RGS6: variants seen among roughly 807,000 people sequenced by gnomAD.
RGS6 encodes regulator of G protein signaling 6.
Under a neutral mutation model 78.5 loss-of-function variants are expected in RGS6, and 30 were observed. That is an observed-to-expected ratio of 0.38 (90% confidence interval 0.29 to 0.52). The LOEUF (loss-of-function observed/expected upper bound fraction) is 0.52. RGS6 is among the 20% of genes least tolerant of loss of function. The pLI is 0.85. For synonymous variants in RGS6, 206 were observed against 206.0 expected (o/e 1.00, Z 0.00); for missense variants, 495 against 609.7 (o/e 0.81, Z 1.98).
chr14:71,870,616 A>G, the RGS6 span, among the ~76,000 whole-genome samples: 1 of 152,212 alleles, frequency 6.6e-6, no homozygotes, highest in African/African-American at 2.4e-5. Flanking sequence ...CACCAAGGCT[A>G]GGAAAAGTTC....
chr14:72,407,640 GC>G (rs1397284961), intron 3 of RGS6, among the ~76,000 whole-genome samples: 1 of 152,178 alleles, frequency 6.6e-6, no homozygotes, highest in Non-Finnish European at 1.5e-5. Flanking sequence ...GGCTTCTAAA[GC>G]CCCCTTTGTC....
At chr14:72,403,370 A>C in intron 3 of RGS6, among the ~76,000 whole-genome samples, 1 of 152,242 alleles carries the variant, frequency 6.6e-6, no homozygotes. Flanking sequence ...ATACCATATG[A>C]TCTCATTCAC....
At chr14:72,625,345 T>C in the RGS6 span, among the ~76,000 whole-genome samples, 1 of 152,228 alleles carries the variant, frequency 6.6e-6, no homozygotes, top group African/African-American at 2.4e-5. Flanking sequence ...GTCATTATTT[T>C]TTTGCTCAAG....
intron 2 of RGS6, among the ~76,000 whole-genome samples, chr14:72,171,444 A>G (rs78211958): frequency 0.013 from 2,010 of 152,326 alleles, 39 homozygotes; most frequent in African/African-American, 0.045. Flanking sequence ...TGTACTAGCA[A>G]TAGTCCAGTG....
At chr14:72,501,349 A>C (rs2096722956) in intron 13 of RGS6, among the ~76,000 whole-genome samples, 1 of 152,150 alleles carries the variant, frequency 6.6e-6, no homozygotes, top group East Asian at 1.9e-4. Context: ...CTTCTCAGAC[A>C]AGCTATTCGA....
intron 3 of RGS6, among the ~76,000 whole-genome samples, chr14:72,445,181 C>CT (rs1555404694): frequency 6.6e-6 from 1 of 152,184 alleles, no homozygotes; most frequent in Non-Finnish European, 1.5e-5. Context: ...TGAGATTTCT[C>CT]TGTTTTGTTT....
In RGS6 at chr14:71,964,865, T is replaced by C. The variant is rs573750712; in HGVS notation, c.74T>C (p.Val25Ala). ...GAGGAGAGTTCTCCAAACATGATCG[T>C]TTACTGCAAAGTAAGGCGCCTGGTC... is the stretch of plus-strand genomic sequence containing the variant. ...DPEESSPNMIVYCKIEDIITK... is the reference protein window; with the variant it reads ...DPEESSPNMIAYCKIEDIITK... The change falls in exon 2 of 18, where the codon GTT becomes GCT. Residue 25 changes from valine (V) to alanine (A), a missense_variant. Coordinates refer to ENST00000553525, the MANE Select transcript of RGS6 (RefSeq NM_001204424.2). The C allele has an allele frequency of 6.2e-6, 10 of 1,613,746 alleles. No homozygotes were observed. The highest frequency in any genetic ancestry group is 8.5e-6 in the Non-Finnish European group (10 of 1,179,798).
chr14:72,280,821 C>A (rs892078515), intron 2 of RGS6, among the ~76,000 whole-genome samples: 4 of 152,168 alleles, frequency 2.6e-5, no homozygotes, highest in Admixed American at 1.3e-4. Context: ...AGACTGAGTC[C>A]AGGTCTTATA....
chr14:72,548,234 G>A (rs1427312997), intron 17 of RGS6, among the ~76,000 whole-genome samples: 1 of 152,060 alleles, frequency 6.6e-6, no homozygotes, highest in African/African-American at 2.4e-5. Flanking sequence ...CCAAAGTGTG[G>A]CTCATTTGGT....
chr14:72,308,629 A>G lies in RGS6; in HGVS notation c.85-43466A>G, dbSNP rs189517203. On this transcript the variant is annotated intron_variant, in intron 2 of 17. Transcript: ENST00000553525. ...AGTTAGTATGAAAATTTGTTCAAATATATTTGAGCAAATACTAAGTAAGCA... is the reference window on the plus strand; with the variant it reads ...AGTTAGTATGAAAATTTGTTCAAATGTATTTGAGCAAATACTAAGTAAGCA... Among the ~76,000 whole-genome samples, 35 of 152,360 alleles carry G rather than the reference A, an allele frequency of 2.3e-4. 1 individual carries two copies. In the East Asian group the frequency reaches 6.7e-3, roughly 29 times the overall value.
At chr14:72,147,906 C>T (rs1353997344) in intron 2 of RGS6, among the ~76,000 whole-genome samples, 3 of 152,026 alleles carry the variant, frequency 2.0e-5, no homozygotes, top group African/African-American at 4.8e-5. Flanking sequence ...CCAAGGCGGG[C>T]AGATCACGAA....
chr14:72,021,578 C>T (rs986021893), intron 2 of RGS6, among the ~76,000 whole-genome samples: 1 of 149,436 alleles, frequency 6.7e-6, no homozygotes, highest in Non-Finnish European at 1.5e-5. Context: ...AAGCAATTCT[C>T]CTGCCTCAGC....
At chr14:71,975,157 G>GAC (rs2094041081) in intron 2 of RGS6, among the ~76,000 whole-genome samples, 1 of 152,126 alleles carries the variant, frequency 6.6e-6, no homozygotes, top group African/African-American at 2.4e-5. Flanking sequence ...TGGTTTCAAA[G>GAC]ACAAAAAGAA....
intron 2 of RGS6, among the ~76,000 whole-genome samples, chr14:72,111,043 A>G (rs183446277): frequency 4.6e-5 from 7 of 152,210 alleles, no homozygotes; most frequent in Admixed American, 3.9e-4. Flanking sequence ...CCTCAAATCA[A>G]ATCTGAACTC....
chr14:72,149,544 G>A (rs1194266056), intron 2 of RGS6, among the ~76,000 whole-genome samples: 2 of 152,272 alleles, frequency 1.3e-5, no homozygotes, highest in African/African-American at 2.4e-5. Context: ...TGAACAGTGT[G>A]AAATATAGGT....
intron 3 of RGS6, among the ~76,000 whole-genome samples, chr14:72,376,129 A>G (rs959941396): frequency 6.6e-6 from 1 of 152,222 alleles, no homozygotes; most frequent in Non-Finnish European, 1.5e-5. Context: ...ACAATAAGTC[A>G]TTATTTTAAT....
At chr14:72,123,610 A>T (rs759634249) in intron 2 of RGS6, among the ~76,000 whole-genome samples, 7 of 152,186 alleles carry the variant, frequency 4.6e-5, no homozygotes, top group Non-Finnish European at 1.0e-4. Flanking sequence ...AATCAGGTCA[A>T]TTAGGAGTCA....
At chr14:72,159,020 C>T (rs569479947) in intron 2 of RGS6, among the ~76,000 whole-genome samples, 1 of 152,166 alleles carries the variant, frequency 6.6e-6, no homozygotes, top group Non-Finnish European at 1.5e-5. Flanking sequence ...GAGCTAATAC[C>T]TAATATAGTG....
At chr14:72,474,320 G>A (rs1284077723) in intron 9 of RGS6, among the ~76,000 whole-genome samples, 3 of 152,024 alleles carry the variant, frequency 2.0e-5, no homozygotes, top group African/African-American at 4.8e-5. Flanking sequence ...TTTTTCAAAC[G>A]GTTAAGTATG....
Sources: allele counts gnomAD v4.1 joint callset (sites outside exome capture counted in the v4.1 genomes callset), GRCh38; gene constraint gnomAD v4.1.1; transcripts MANE v1.5; gene names NCBI Gene and HGNC (gene_info 2026-07-23, HGNC 2026-07-21).